The following CHCHD6 variants were observed in gnomAD, a reference collection of about 807,000 sequenced individuals.
CHCHD6 encodes MICOS complex subunit MIC25.
In CHCHD6, 28 loss-of-function variants were observed where a neutral mutation model predicts 32.3. The ratio of observed to expected loss-of-function variants is 0.87; its 90% confidence interval spans 0.64 to 1.19. The LOEUF (loss-of-function observed/expected upper bound fraction) is 1.19. Among genes scored for constraint, CHCHD6 ranks in the 50% most tolerant of loss-of-function variants. The pLI is 0.00. For missense variants in CHCHD6, 333 were observed against 307.0 expected, an observed-to-expected ratio of 1.08 and a Z score of -0.63; for synonymous variants, 122 against 117.5, an observed-to-expected ratio of 1.04 and a Z score of -0.25.
At chr3:126,755,475 T>C (rs912579304) in intron 4 of CHCHD6, among the ~76,000 whole-genome samples, 2 of 152,162 alleles carry the variant, frequency 1.3e-5, no homozygotes, top group African/African-American at 2.4e-5. Context: ...TATGAGGAAG[T>C]GTCTTCCACA....
intron 6 of CHCHD6, among the ~76,000 whole-genome samples, chr3:126,934,434 G>C (rs1022696764): frequency 1.3e-5 from 2 of 151,630 alleles, no homozygotes; most frequent in Admixed American, 1.3e-4. Flanking sequence ...GACAGACAGT[G>C]CTGCAGTGTT....
chr3:126,755,338 A>G (rs1035362544), intron 4 of CHCHD6, among the ~76,000 whole-genome samples: 1 of 152,140 alleles, frequency 6.6e-6, no homozygotes, highest in Non-Finnish European at 1.5e-5. Context: ...GCCCAGGGTG[A>G]GGCTAGGTGG....
chr3:126,816,227 T>C (rs930888452), intron 4 of CHCHD6, among the ~76,000 whole-genome samples: 2 of 152,172 alleles, frequency 1.3e-5, no homozygotes, highest in Non-Finnish European at 2.9e-5. Context: ...AGTGTCAAAC[T>C]GTGTGCTTGG....
At chr3:126,838,199 T>C (rs1045302192) in intron 4 of CHCHD6, among the ~76,000 whole-genome samples, 3 of 152,204 alleles carry the variant, frequency 2.0e-5, no homozygotes, top group African/African-American at 7.2e-5. Flanking sequence ...GGTCTTGTAA[T>C]AGAATGTTTT....
At chr3:126,750,669 C>G (rs1348827480) in intron 4 of CHCHD6, among the ~76,000 whole-genome samples, 1 of 152,206 alleles carries the variant, frequency 6.6e-6, no homozygotes, top group Non-Finnish European at 1.5e-5. Context: ...GAGGCAAGTT[C>G]CCAGAGCTTT....
chr3:126,817,581 G>T (rs571343636), intron 4 of CHCHD6, among the ~76,000 whole-genome samples: 1 of 152,308 alleles, frequency 6.6e-6, no homozygotes, highest in African/African-American at 2.4e-5. Context: ...AGTCTGTCCA[G>T]CAGGGCACAG....
In CHCHD6 at chr3:126,770,207, G is replaced by C. The variant is rs556341248; in HGVS notation, c.411+36985G>C. On this transcript the variant is annotated intron_variant, in intron 4 of 7. Transcript: ENST00000290913. ...TATGTTGCTTTTGTATCCTGAAACT[G>C]TGCTGAAGTTGTTTATCAGATCAGG... is the stretch of plus-strand genomic sequence containing the variant. Among the ~76,000 whole-genome samples, 4 of 152,250 alleles carry C rather than the reference G, an allele frequency of 2.6e-5. No individual in the cohort carries two copies. In the South Asian group the frequency reaches 8.3e-4, roughly 32 times the overall value.
intron 4 of CHCHD6, among the ~76,000 whole-genome samples, chr3:126,768,560 A>G (rs1434078463): frequency 6.6e-6 from 1 of 152,200 alleles, no homozygotes; most frequent in African/African-American, 2.4e-5. Flanking sequence ...TGGCAGAACA[A>G]TTTATATTCC....
intron 5 of CHCHD6, among the ~76,000 whole-genome samples, chr3:126,862,078 ACCT>A (rs199875981): frequency 2.5e-5 from 1 of 39,998 alleles, no homozygotes; most frequent in Non-Finnish European, 4.5e-5. Flanking sequence ...CACCATCACC[ACCT>A]CCTCCTCCTC....
At chr3:126,869,972 T>C (rs964349764) in intron 5 of CHCHD6, among the ~76,000 whole-genome samples, 16 of 152,228 alleles carry the variant, frequency 1.1e-4, no homozygotes, top group African/African-American at 3.9e-4. Context: ...TTCAGGATGT[T>C]TTCCTGTTGT....
chr3:126,723,664 A>G (rs568353234), intron 1 of CHCHD6, among the ~76,000 whole-genome samples: 35 of 152,234 alleles, frequency 2.3e-4, no homozygotes, highest in African/African-American at 8.4e-4. Flanking sequence ...TATAGGATGT[A>G]TATGCCGAAA....
At chr3:126,899,602 A>G (rs2077892813) in intron 5 of CHCHD6, among the ~76,000 whole-genome samples, 1 of 152,196 alleles carries the variant, frequency 6.6e-6, no homozygotes, top group Non-Finnish European at 1.5e-5. Flanking sequence ...TTTAGATGAC[A>G]CAGCCCACCC....
At chr3:126,867,498 C>A (rs186713883) in intron 5 of CHCHD6, among the ~76,000 whole-genome samples, 146 of 152,364 alleles carry the variant, frequency 9.6e-4, no homozygotes, top group Middle Eastern at 6.8e-3. Flanking sequence ...CCTATCCCTG[C>A]TGGAAAAGAC....
chr3:126,776,580 C>T (rs1937658256), intron 4 of CHCHD6, among the ~76,000 whole-genome samples: 1 of 152,118 alleles, frequency 6.6e-6, no homozygotes. Flanking sequence ...GGCATAGGAC[C>T]TTGAGGGCAC....
At chr3:126,773,994 G>A (rs564521998) in intron 4 of CHCHD6, among the ~76,000 whole-genome samples, 1 of 152,176 alleles carries the variant, frequency 6.6e-6, no homozygotes, top group Non-Finnish European at 1.5e-5. Flanking sequence ...ATTCTTGTCT[G>A]AATCACTATG....
chr3:126,717,636 G>A (rs1935081963), intron 1 of CHCHD6, among the ~76,000 whole-genome samples: 1 of 152,192 alleles, frequency 6.6e-6, no homozygotes, highest in Non-Finnish European at 1.5e-5. Flanking sequence ...AGCCATTTGG[G>A]AACTTGCCTC....
chr3:126,724,225 T>C (rs1005303714), intron 1 of CHCHD6, among the ~76,000 whole-genome samples: 19 of 152,096 alleles, frequency 1.2e-4, no homozygotes, highest in Non-Finnish European at 2.5e-4. Context: ...GAGAAGCACA[T>C]GTGTGTTGTC....
At chr3:126,767,057 A>G in intron 4 of CHCHD6, 1 of 971,158 alleles carries the variant, frequency 1.0e-6, no homozygotes, top group Non-Finnish European at 1.6e-6. Context: ...TCAATGGGGA[A>G]CCAGTCTGTA....
At chr3:126,770,829 A>C (rs974954213) in intron 4 of CHCHD6, among the ~76,000 whole-genome samples, 3 of 152,190 alleles carry the variant, frequency 2.0e-5, no homozygotes, top group Non-Finnish European at 4.4e-5. Flanking sequence ...TATCAGGATG[A>C]TGCTGGCCTC....
Sources: allele counts gnomAD v4.1 joint callset (sites outside exome capture counted in the v4.1 genomes callset), GRCh38; gene constraint gnomAD v4.1.1; transcripts MANE v1.5; gene names NCBI Gene and HGNC (gene_info 2026-07-23, HGNC 2026-07-21).